CPAMD8: variants seen among roughly 807,000 people sequenced by gnomAD.
CPAMD8 encodes C3 and PZP like alpha-2-macroglobulin domain containing 8.
A neutral mutation model predicts 224.7 loss-of-function variants in CPAMD8; 146 were observed. The observed-to-expected ratio is 0.65, with a 90% CI of 0.57 to 0.75. CPAMD8 has a LOEUF of 0.75. CPAMD8 is among the 30% of genes least tolerant of loss of function. CPAMD8 has a pLI of 0.00. For synonymous variants in CPAMD8, 966 were observed against 1,044.6 expected, an observed-to-expected ratio of 0.92 and a Z score of 1.45; for missense variants, 2,301 against 2,537.5, an observed-to-expected ratio of 0.91 and a Z score of 2.00.
chr19:17,020,567 A>G (rs1198374707), intron 2 of CPAMD8, among the ~76,000 whole-genome samples: 2 of 152,100 alleles, frequency 1.3e-5, no homozygotes, highest in Non-Finnish European at 2.9e-5. Flanking sequence ...GGCCAGAGGG[A>G]ATGGACAAAG....
chr19:17,024,953 A>G (rs2057039952), intron 1 of CPAMD8, among the ~76,000 whole-genome samples: 1 of 152,236 alleles, frequency 6.6e-6, no homozygotes. Flanking sequence ...TGGGTGAACC[A>G]TGCCCCTGGC....
intron 41 of CPAMD8, 32 bp downstream of exon 41, chr19:16,896,144 T>A: frequency 1.2e-6 from 2 of 1,611,278 alleles, no homozygotes; most frequent in Non-Finnish European, 1.7e-6. Context: ...TGAGCCTATG[T>A]CTCTTATCTC....
At chr19:16,905,456 C>G (rs1285548669) in intron 30 of CPAMD8, among the ~76,000 whole-genome samples, 6 of 143,512 alleles carry the variant, frequency 4.2e-5, no homozygotes, top group African/African-American at 1.3e-4. Context: ...TGGTGCATGC[C>G]TGTAATCCTG....
At chr19:16,901,060 GA>G in intron 36 of CPAMD8, 149 bp downstream of exon 36, 1 of 570,450 alleles carries the variant, frequency 1.8e-6, no homozygotes, top group Non-Finnish European at 3.1e-6. Flanking sequence ...AGGGGGAGGG[GA>G]AGGGGGAGGG....
chr19:16,893,219 C>T lies in CPAMD8; in HGVS notation c.5547G>A (p.Val1849=). 1 of 1,590,252 alleles carries T rather than the reference C, an allele frequency of 6.3e-7. No homozygotes were observed. The highest frequency in any genetic ancestry group is 8.6e-7 in the Non-Finnish European group (1 of 1,167,060). Residue 1849 remains valine, a synonymous_variant, in exon 42 of 42, where the codon GTG becomes GTA. Coordinates refer to ENST00000443236, the MANE Select transcript of CPAMD8 (RefSeq NM_015692.5). The part of the protein sequence containing the change: ...TPAPQRHSGR[V]VGAHRPGLLS... Reference sequence around the variant, plus strand: ...GAAGCCCTGGCCTGTGGGCCCCCACCACCCGGCCACTATGTCTCTGAGGGG... The same window carrying T: ...GAAGCCCTGGCCTGTGGGCCCCCACTACCCGGCCACTATGTCTCTGAGGGG...
At chr19:16,952,310 G>A in intron 19 of CPAMD8, 110 bp from the exon 20 acceptor site, 1 of 673,814 alleles carries the variant, frequency 1.5e-6, no homozygotes, top group Non-Finnish European at 2.6e-6. Flanking sequence ...GGCACCCTAG[G>A]AGCTTAGAAA....
intron 25 of CPAMD8, 98 bp from the exon 26 acceptor site, chr19:16,925,470 C>T: frequency 2.1e-6 from 2 of 966,320 alleles, no homozygotes; most frequent in Non-Finnish European, 3.2e-6. Context: ...GAGTGTCATG[C>T]AGTCAGCCAC....
intron 8 of CPAMD8, 173 bp from the exon 9 acceptor site, chr19:17,002,523 T>C (rs2056361303): frequency 2.0e-6 from 1 of 510,446 alleles, no homozygotes; most frequent in African/African-American, 1.9e-5. Context: ...GTGGGCTGCA[T>C]CTATTTCTCA....
rs1456669123 is a variant in CPAMD8, at chr19:16,945,535, G to A, written c.2793+14C>T. 1.7e-5 allele frequency: 28 copies of A among 1,612,966 alleles called. No homozygotes were observed. Among genetic ancestry groups the A allele is most frequent in the Non-Finnish European group, 2.3e-5 (27 of 1,179,364 alleles). On this transcript the variant is annotated intron_variant, in intron 22 of 41. Transcript: ENST00000443236. ...GGCCCTGGCTAAGCACCAGAGATGA[G>A]GACACGGCCTTACCTCAACCATCAC... is the stretch of plus-strand genomic sequence containing the variant.
In CPAMD8 at chr19:16,899,665, G is replaced by C. The variant is rs2052170033; in HGVS notation, c.4774-116C>G. 1.5e-6 allele frequency: 1 copy of C among 671,436 alleles called. No homozygotes were observed. The highest frequency in any genetic ancestry group is 2.7e-6 in the Non-Finnish European group (1 of 364,932). The allele number at this position is 671,436 out of a possible 1,614,324, so 41.6% of individuals were successfully genotyped here. ...CTTGCCCACAAGTTACCATGGGCTGGGGTCTGGGTGCTGGTCAGTGCTCCC... is the reference window on the plus strand; with the variant it reads ...CTTGCCCACAAGTTACCATGGGCTGCGGTCTGGGTGCTGGTCAGTGCTCCC... On this transcript the variant is annotated intron_variant, in intron 36 of 41. Coordinates refer to ENST00000443236, the MANE Select transcript of CPAMD8 (RefSeq NM_015692.5). The surrounding 1 kb of genome is among the most constrained non-coding windows in gnomAD (Gnocchi z 5.4).
chr19:17,007,751 A>G (rs1292724499), intron 7 of CPAMD8, among the ~76,000 whole-genome samples: 1 of 152,220 alleles, frequency 6.6e-6, no homozygotes, highest in Non-Finnish European at 1.5e-5. Flanking sequence ...GGGTATGTCA[A>G]TTACACAGTC....
intron 23 of CPAMD8, among the ~76,000 whole-genome samples, chr19:16,930,999 G>A (rs372028176): frequency 3.3e-5 from 5 of 152,138 alleles, no homozygotes; most frequent in African/African-American, 7.2e-5. Context: ...ACACTTTCAC[G>A]TGCCCCGAGG....
rs1443292142 is a variant in CPAMD8, at chr19:17,026,667, G to A, written c.-25C>T. On this transcript the variant is annotated 5_prime_UTR_variant, in exon 1 of 42. Coordinates refer to ENST00000443236, the MANE Select transcript of CPAMD8 (RefSeq NM_015692.5). ...TTTTTCGGCTCCTGGGGGGCGCCGCGCCTGGGGAGGGGGCCGGGCCAGGGC... is the reference window on the plus strand; with the variant it reads ...TTTTTCGGCTCCTGGGGGGCGCCGCACCTGGGGAGGGGGCCGGGCCAGGGC... 2.9e-6 allele frequency: 4 copies of A among 1,387,534 alleles called. No individual in the cohort carries two copies. The highest frequency in any genetic ancestry group is 1.9e-6 in the Non-Finnish European group (2 of 1,074,934). 86.0% of individuals were successfully genotyped at this position (1,387,534 alleles called of 1,614,324 possible).
chr19:16,947,295 C>A, intron 20 of CPAMD8, 68 bp from the exon 21 acceptor site: 2 of 1,542,248 alleles, frequency 1.3e-6, no homozygotes, highest in South Asian at 1.2e-5. Context: ...GGAGGCCCAA[C>A]ACACATCCCA....
chr19:17,007,100 G>A (rs895436973), intron 7 of CPAMD8, among the ~76,000 whole-genome samples: 6 of 152,060 alleles, frequency 3.9e-5, no homozygotes, highest in East Asian at 3.9e-4. Flanking sequence ...TTCCGAGGCC[G>A]AGGCGGGCGG....
At chr19:16,951,843 T>A in intron 20 of CPAMD8, 126 bp downstream of exon 20, 2 of 653,564 alleles carry the variant, frequency 3.1e-6, no homozygotes, top group African/African-American at 1.9e-5. Flanking sequence ...CTCAACATCA[T>A]AGAGGCTCTC....
intron 27 of CPAMD8, among the ~76,000 whole-genome samples, chr19:16,921,016 G>A (rs1024505063): frequency 6.6e-6 from 1 of 152,170 alleles, no homozygotes; most frequent in South Asian, 2.1e-4. Flanking sequence ...TTGCTAAGAC[G>A]TGATTGGGGC....
In CPAMD8 at chr19:16,928,853, T is replaced by C. The variant is rs60052787; in HGVS notation, c.3144+89A>G. The stretch of plus-strand genomic sequence containing the variant: ...ATGTTTCCCTTGCTCCTCCTGACCC[T>C]GGATCAAAGCCTGGCACCAAACAGG... On this transcript the variant is annotated intron_variant, in intron 24 of 41. Coordinates refer to ENST00000443236, the MANE Select transcript of CPAMD8 (RefSeq NM_015692.5). 0.012 allele frequency: 13,272 copies of C among 1,111,848 alleles called. 1,149 individuals are homozygous for C. In the African/African-American group the frequency reaches 0.18, roughly 15 times the overall value. 68.9% of individuals were successfully genotyped at this position (1,111,848 alleles called of 1,614,324 possible).
chr19:16,989,822 G>C, intron 12 of CPAMD8, 51 bp from the exon 13 acceptor site: 1 of 1,574,724 alleles, frequency 6.4e-7, no homozygotes, highest in Admixed American at 1.7e-5. Flanking sequence ...GAGCAGAAAG[G>C]GGGTCTTGGG....
Sources: gnomAD v4.1 joint callset for allele counts (sites outside exome capture counted in the v4.1 genomes callset) on GRCh38, gnomAD v4.1.1 for gene constraint, Gnocchi (gnomAD v3.1) non-coding constraint, MANE v1.5 for transcripts, NCBI Gene and HGNC (gene_info 2026-07-23, HGNC 2026-07-21) for gene names.